Variants in RAVER2 observed in about 807,000 individuals in gnomAD.
The protein encoded by RAVER2 is ribonucleoprotein PTB-binding 2.
A neutral mutation model predicts 78.1 loss-of-function variants in RAVER2; 46 were observed. The ratio of observed to expected loss-of-function variants is 0.59; its 90% CI spans 0.46 to 0.75. The LOEUF is 0.75. Ranked by LOEUF, RAVER2 falls within the 30% of genes least tolerant of loss-of-function variation. The pLI, the probability that RAVER2 is intolerant of heterozygous loss-of-function variation, is 0.00. For missense variants in RAVER2, 793 were observed against 837.5 expected (o/e 0.95, Z 0.66); for synonymous variants, 311 against 313.3 (o/e 0.99, Z 0.08).
chr1:64,745,757 T>A lies in RAVER2; in HGVS notation c.249+336T>A, dbSNP rs1241172326. Among the ~76,000 whole-genome samples, 1 of 139,186 alleles carries A rather than the reference T, an allele frequency of 7.2e-6. No homozygotes were observed. The highest frequency in any genetic ancestry group is 2.4e-4 in the South Asian group (1 of 4,178). 91.3% of individuals were successfully genotyped at this position (139,186 alleles called of 152,430 possible). On this transcript the variant is annotated intron_variant, in intron 1 of 11. Transcript: ENST00000294428. The surrounding 1 kb of genome is among the most constrained non-coding windows in gnomAD (Gnocchi z 4.3). ...GGTGAAGGAGAGTGGAGGTGAGTTG[T>A]GGAGCACACATTTTGCGGGGGGGAG...
chr1:64,807,051 A>G (rs564542996), intron 8 of RAVER2, among the ~76,000 whole-genome samples, 155 bp from the exon 9 acceptor site: 53 of 152,198 alleles, frequency 3.5e-4, no homozygotes, highest in South Asian at 2.1e-4. Context: ...AAAGGAACCC[A>G]CTAATTAACA....
chr1:64,830,032 C>T (rs756029250), intron 11 of RAVER2, among the ~76,000 whole-genome samples: 4 of 152,162 alleles, frequency 2.6e-5, no homozygotes, highest in African/African-American at 7.2e-5. Flanking sequence ...TTAATTGCAA[C>T]GTGAGAAGGC....
intron 5 of RAVER2, 116 bp downstream of exon 5, chr1:64,789,630 T>G: frequency 1.2e-6 from 1 of 820,488 alleles, no homozygotes; most frequent in Non-Finnish European, 1.6e-6. Flanking sequence ...TAAATTAGTA[T>G]AAAATATTTA....
chr1:64,832,493 T>TTGA (rs1395475455), exon 12 of RAVER2: 2 of 152,616 alleles, frequency 1.3e-5, no homozygotes, highest in East Asian at 1.9e-4. Context: ...CTGTAATTAA[T>TTGA]TGATAGGGAA....
intron 1 of RAVER2, among the ~76,000 whole-genome samples, 175 bp from the exon 2 acceptor site, chr1:64,768,480 TG>T (rs1437818344): frequency 6.6e-6 from 1 of 152,002 alleles, no homozygotes; most frequent in East Asian, 1.9e-4. Context: ...GTAGGATGTC[TG>T]GGGAATCTGG....
intron 5 of RAVER2, 62 bp downstream of exon 5, chr1:64,789,576 C>T (rs1352890236): frequency 1.6e-6 from 2 of 1,287,318 alleles, no homozygotes; most frequent in African/African-American, 3.1e-5. Flanking sequence ...AATTTTTTCA[C>T]ATGTGAAATA....
At chr1:64,831,972 TTA>T (rs748434724) in exon 12 of RAVER2, 5 of 152,246 alleles carry the variant, frequency 3.3e-5, no homozygotes. Context: ...ATCTGGCCAT[TTA>T]TATATAGTTT....
At chr1:64,781,051 G>T (rs1321295729) in intron 3 of RAVER2, among the ~76,000 whole-genome samples, 4 of 152,106 alleles carry the variant, frequency 2.6e-5, no homozygotes, top group African/African-American at 9.7e-5. Flanking sequence ...TTTAAGGAAA[G>T]CTATAATTAT....
At chr1:64,814,802 T>G in exon 11 of RAVER2, 1 of 1,587,208 alleles carries the variant, frequency 6.3e-7, no homozygotes, top group Non-Finnish European at 8.6e-7. Context: ...ATTGGAAAAG[T>G]GCATTGCTTA....
chr1:64,780,096 G>C (rs1429502561), intron 3 of RAVER2, among the ~76,000 whole-genome samples: 1 of 152,054 alleles, frequency 6.6e-6, no homozygotes, highest in East Asian at 1.9e-4. Flanking sequence ...AAATTTTTAA[G>C]TTTTCAAAAG....
At chr1:64,803,005 C>T in exon 6 of RAVER2, 3 of 1,610,372 alleles carry the variant, frequency 1.9e-6, no homozygotes, top group Non-Finnish European at 2.5e-6. Flanking sequence ...CAGCTTGCCA[C>T]ATCTGATGAA....
intron 10 of RAVER2, among the ~76,000 whole-genome samples, chr1:64,813,970 G>A (rs184623359): frequency 1.5e-4 from 23 of 151,640 alleles, no homozygotes; most frequent in Admixed American, 1.4e-3. Flanking sequence ...TGTCACCCAG[G>A]CTGGAGTGCT....
At chr1:64,785,779 G>T (rs933406256) in intron 4 of RAVER2, among the ~76,000 whole-genome samples, 1 of 151,910 alleles carries the variant, frequency 6.6e-6, no homozygotes, top group Non-Finnish European at 1.5e-5. Context: ...TCATATTGGT[G>T]TCTGCCTTTT....
intron 5 of RAVER2, among the ~76,000 whole-genome samples, chr1:64,791,629 T>G (rs1287841751): frequency 1.3e-5 from 2 of 152,218 alleles, no homozygotes; most frequent in Non-Finnish European, 2.9e-5. Context: ...GTTTTCTGGC[T>G]CAGGCTATTA....
intron 2 of RAVER2, among the ~76,000 whole-genome samples, chr1:64,775,106 A>G (rs1018554631): frequency 1.3e-5 from 2 of 152,202 alleles, no homozygotes; most frequent in Admixed American, 1.3e-4. Flanking sequence ...TAAATATACA[A>G]TCATGTCATC....
chr1:64,752,715 G>A (rs778517600), intron 1 of RAVER2, among the ~76,000 whole-genome samples: 5 of 152,100 alleles, frequency 3.3e-5, no homozygotes, highest in Non-Finnish European at 5.9e-5. Context: ...GGTTAAAGAC[G>A]GGCAATAACC....
chr1:64,765,145 A>G (rs1429372345), intron 1 of RAVER2, among the ~76,000 whole-genome samples: 11 of 152,220 alleles, frequency 7.2e-5, no homozygotes, highest in Admixed American at 7.2e-4. Flanking sequence ...CAGGACTTTT[A>G]TCTACTGTTG....
At chr1:64,823,513 G>A (rs768686874) in intron 11 of RAVER2, among the ~76,000 whole-genome samples, 20 of 152,156 alleles carry the variant, frequency 1.3e-4, no homozygotes, top group Non-Finnish European at 2.4e-4. Context: ...CAATATGAAT[G>A]TACAAATTGA....
At chr1:64,830,850 A>G in exon 12 of RAVER2, 1 of 1,604,132 alleles carries the variant, frequency 6.2e-7, no homozygotes, top group Non-Finnish European at 8.5e-7. Context: ...TGTCATCTTT[A>G]AGAAATGAAA....
Sources: allele counts gnomAD v4.1 joint callset (sites outside exome capture counted in the v4.1 genomes callset), GRCh38; gene constraint gnomAD v4.1.1; non-coding constraint Gnocchi (gnomAD v3.1); transcripts MANE v1.5; gene names NCBI Gene and HGNC (gene_info 2026-07-23, HGNC 2026-07-21).